The following GORAB variants were observed in gnomAD, a reference collection of about 807,000 sequenced individuals.
The protein encoded by GORAB is RAB6-interacting golgin.
A neutral mutation model predicts 29.9 loss-of-function variants in GORAB; 17 were observed. The ratio of observed to expected loss-of-function variants is 0.57; its 90% CI spans 0.39 to 0.85. GORAB has a LOEUF of 0.85. Ranked by LOEUF, GORAB falls within the 40% of genes least tolerant of loss-of-function variation. GORAB has a pLI of 0.00. For synonymous variants in GORAB, 183 were observed against 157.2 expected, an observed-to-expected ratio of 1.16 and a Z score of -1.23; for missense variants, 442 against 437.8, an observed-to-expected ratio of 1.01 and a Z score of -0.09.
rs147691146 is a variant in GORAB, at chr1:170,542,505, G to A, written c.434G>A (p.Arg145His). The A allele has an allele frequency of 3.3e-5, 53 of 1,613,128 alleles. No individual in the cohort carries two copies. Among genetic ancestry groups the A allele is most frequent in the Admixed American group, 6.7e-5 (4 of 59,976 alleles). The change falls in exon 3 of 5, where the codon CGT becomes CAT. Residue 145 changes from arginine (R) to histidine (H), a missense_variant. Physicochemically the swap from Arg to His is conservative, Grantham distance 29. Coordinates refer to ENST00000367763, the MANE Select transcript of GORAB (RefSeq NM_152281.3). Reference protein sequence around the residue: ...KKKVELQEKSRWEVLQQEQRL... With the variant: ...KKKVELQEKSHWEVLQQEQRL... ...TTGCCCCCTAGGCAAGAAAAATCTC[G>A]TTGGGAAGTCCTCCAACAAGAACAA...
chr1:170,550,485 A>G (rs1316406272), intron 4 of GORAB, among the ~76,000 whole-genome samples: 2 of 152,250 alleles, frequency 1.3e-5, no homozygotes, highest in African/African-American at 4.8e-5. Context: ...TGCCTCGTGT[A>G]TCCTACAATA....
Position 170,552,528 on chromosome 1 carries a change from C to T in GORAB, c.*66C>T. On this transcript the variant is annotated 3_prime_UTR_variant, in exon 5 of 5. Transcript: ENST00000367763. ...GTATACTTTTTGCAGTAGATCATGC[C>T]CTGACCTCCAATAAAAACCTCTTTA... 1.6e-6 allele frequency: 2 copies of T among 1,258,056 alleles called. No individual in the cohort carries two copies. Among genetic ancestry groups the T allele is most frequent in the Non-Finnish European group, 2.3e-6 (2 of 861,516 alleles). 77.9% of individuals were successfully genotyped at this position (1,258,056 alleles called of 1,614,324 possible).
At chr1:170,542,344 CT>C (rs1424668321) in intron 2 of GORAB, 146 bp from the exon 3 acceptor site, 8 of 586,094 alleles carry the variant, frequency 1.4e-5, no homozygotes, top group African/African-American at 3.8e-5. Context: ...AGATGGGTTT[CT>C]TTTAAGAGGA....
chr1:170,549,059 G>T (rs931960607), intron 4 of GORAB, among the ~76,000 whole-genome samples: 1 of 152,130 alleles, frequency 6.6e-6, no homozygotes, highest in African/African-American at 2.4e-5. Context: ...TATACTGAGG[G>T]TTAATGGTTG....
At position 170,552,519 on chromosome 1, in the gene GORAB, A is replaced by G; in HGVS notation, c.*57A>G. On this transcript the variant is annotated 3_prime_UTR_variant, in exon 5 of 5. Coordinates refer to ENST00000367763, the MANE Select transcript of GORAB (RefSeq NM_152281.3). Reference sequence around the variant, plus strand: ...TTGAGTAAAGTATACTTTTTGCAGTAGATCATGCCCTGACCTCCAATAAAA... The same window carrying G: ...TTGAGTAAAGTATACTTTTTGCAGTGGATCATGCCCTGACCTCCAATAAAA... 2 of 1,374,832 alleles carry G rather than the reference A, an allele frequency of 1.5e-6. No individual in the cohort carries two copies. The highest frequency in any genetic ancestry group is 2.1e-6 in the Non-Finnish European group (2 of 967,038). The allele number at this position is 1,374,832 out of a possible 1,614,324, so 85.2% of individuals were successfully genotyped here.
At chr1:170,532,807 A>G (rs1648785591) in intron 1 of GORAB, among the ~76,000 whole-genome samples, 1 of 152,228 alleles carries the variant, frequency 6.6e-6, no homozygotes, top group Non-Finnish European at 1.5e-5. Flanking sequence ...TGATTTTTGC[A>G]GTACTTCCCA....
chr1:170,553,723 A>C lies in GORAB; in HGVS notation c.*1261A>C. The stretch of plus-strand genomic sequence containing the variant: ...ATAACATTTTACTACTGACTTCTCT[A>C]AACAGAAGCATTTCTATAGATAGTT... On this transcript the variant is annotated 3_prime_UTR_variant, in exon 5 of 5. Coordinates refer to ENST00000367763, the MANE Select transcript of GORAB (RefSeq NM_152281.3). 2.2e-6 allele frequency: 1 copy of C among 450,932 alleles called. No homozygotes were observed. The highest frequency in any genetic ancestry group is 1.6e-5 in the South Asian group (1 of 63,104). 27.9% of individuals were successfully genotyped at this position (450,932 alleles called of 1,614,324 possible).
In GORAB at chr1:170,539,384, C is replaced by G. The variant is rs1329456647; in HGVS notation, c.236C>G (p.Pro79Arg). The change falls in exon 2 of 5, where the codon CCT (proline) becomes CGT (arginine). Residue 79 changes from proline (P) to arginine (R), a missense_variant. Physicochemically the swap from Pro to Arg is moderately radical, Grantham distance 103. Coordinates refer to ENST00000367763, the MANE Select transcript of GORAB (RefSeq NM_152281.3). The part of the protein sequence containing the change: ...PKQRVNVQKP[P>R]FSSPTLPSHF... Reference sequence around the variant, plus strand: ...CAGAGAGTTAACGTTCAAAAACCACCTTTTTCTTCCCCTACTCTTCCGAGT... The same window carrying G: ...CAGAGAGTTAACGTTCAAAAACCACGTTTTTCTTCCCCTACTCTTCCGAGT... 3.2e-5 allele frequency: 51 copies of G among 1,613,974 alleles called. No homozygotes were observed. The highest frequency in any genetic ancestry group is 4.3e-5 in the Non-Finnish European group (51 of 1,180,014).
Position 170,552,186 on chromosome 1 carries a change from C to T in GORAB, c.834C>T (p.Ala278=), listed in dbSNP as rs550672557. The change falls in exon 5 of 5, where the codon GCC becomes GCT. Residue 278 remains alanine (A), a synonymous_variant. Coordinates refer to ENST00000367763, the MANE Select transcript of GORAB (RefSeq NM_152281.3). ...TGATGCAACAACTAGATGTAGAAGC[C>T]GATGAAGAGACTTTGGAGCTTGAGG... ...EELMQQLDVE[A]DEETLELEVE... 38 of 1,613,966 alleles carry T rather than the reference C, an allele frequency of 2.4e-5. No homozygotes were observed. The highest frequency in any genetic ancestry group is 2.2e-4 in the South Asian group (20 of 91,072).
intron 4 of GORAB, among the ~76,000 whole-genome samples, chr1:170,548,990 G>A (rs946251822): frequency 7.9e-5 from 12 of 152,070 alleles, no homozygotes; most frequent in African/African-American, 2.7e-4. Flanking sequence ...TATACAAATA[G>A]TGAGAACTGC....
chr1:170,552,325 G>C lies in GORAB; in HGVS notation c.973G>C (p.Glu325Gln), dbSNP rs1650172456. Residue 325 changes from glutamate to glutamine, a missense_variant, in exon 5 of 5, where the codon GAG becomes CAG. Physicochemically the swap from Glu to Gln is conservative, Grantham distance 29 (BLOSUM62 2). Transcript: ENST00000367763. ...GAGTGTGACATTAGAATTTGCTAAAGAGAACAGAAAGTGTCAAGAACAAGC... is the reference window on the plus strand; with the variant it reads ...GAGTGTGACATTAGAATTTGCTAAACAGAACAGAAAGTGTCAAGAACAAGC... Reference protein sequence around the residue: ...EESVTLEFAKENRKCQEQAVS... With the variant: ...EESVTLEFAKQNRKCQEQAVS... 6.2e-6 allele frequency: 10 copies of C among 1,614,040 alleles called. No individual in the cohort carries two copies. Among genetic ancestry groups the C allele is most frequent in the Admixed American group, 1.7e-5 (1 of 60,006 alleles).
intron 1 of GORAB, chr1:170,532,636 C>A (rs1477734242): frequency 3.2e-6 from 1 of 317,092 alleles, no homozygotes; most frequent in East Asian, 7.5e-5. Context: ...AGGTTAGGGT[C>A]AGGGTAAGGG....
intron 1 of GORAB, chr1:170,533,737 G>A (rs1648863740): frequency 5.8e-6 from 2 of 342,616 alleles, no homozygotes; most frequent in Admixed American, 5.9e-5. Flanking sequence ...GCAACCGGGG[G>A]TAGATAGAGG....
chr1:170,553,182 T>C lies in GORAB; in HGVS notation c.*720T>C. ...CGATGAATTGATTAAATTTAGACAA[T>C]TAAAACATTTCTAAAGTGAGACTGA... On this transcript the variant is annotated 3_prime_UTR_variant, in exon 5 of 5. Coordinates refer to ENST00000367763, the MANE Select transcript of GORAB (RefSeq NM_152281.3). The C allele has an allele frequency of 2.3e-6, 1 of 431,974 alleles. No individual in the cohort carries two copies. The highest frequency in any genetic ancestry group is 1.7e-5 in the South Asian group (1 of 58,856). 26.8% of individuals were successfully genotyped at this position (431,974 alleles called of 1,614,324 possible). A position where few individuals can be genotyped will look rare whatever the true frequency, so the allele number is the denominator to read the frequency against.
Position 170,552,698 on chromosome 1 carries a change from C to G in GORAB, c.*236C>G, listed in dbSNP as rs778718058. 10 of 563,366 alleles carry G rather than the reference C, an allele frequency of 1.8e-5. No homozygotes were observed. The highest frequency in any genetic ancestry group is 1.3e-4 in the African/African-American group (7 of 53,846). 34.9% of individuals were successfully genotyped at this position (563,366 alleles called of 1,614,324 possible). A position where few individuals can be genotyped will look rare whatever the true frequency, so the allele number is the denominator to read the frequency against. ...CGGTTCTTTCAGTGTTCCGTTTACC[C>G]TTTTTACTGAAAGTAAGTGACTTAA... On this transcript the variant is annotated 3_prime_UTR_variant, in exon 5 of 5. Coordinates refer to ENST00000367763, the MANE Select transcript of GORAB (RefSeq NM_152281.3).
chr1:170,553,395 T>G lies in GORAB; in HGVS notation c.*933T>G. ...TTGCCTGTTACTAGTACTTGACCAA[T>G]ACATTGTGCTATATGTAAATGTGTA... On this transcript the variant is annotated 3_prime_UTR_variant, in exon 5 of 5. Transcript: ENST00000367763. The G allele has an allele frequency of 2.2e-6, 1 of 451,766 alleles. No individual in the cohort carries two copies. Among genetic ancestry groups the G allele is most frequent in the Non-Finnish European group, 4.4e-6 (1 of 226,194 alleles). 28.0% of individuals were successfully genotyped at this position (451,766 alleles called of 1,614,324 possible).
chr1:170,548,757 A>T (rs887723070), intron 4 of GORAB, among the ~76,000 whole-genome samples: 1 of 152,218 alleles, frequency 6.6e-6, no homozygotes, highest in African/African-American at 2.4e-5. Context: ...ATAAGTAATG[A>T]TGAAATAATT....
At chr1:170,533,909 C>T (rs777764583) in intron 1 of GORAB, among the ~76,000 whole-genome samples, 6 of 152,108 alleles carry the variant, frequency 3.9e-5, no homozygotes, top group African/African-American at 7.2e-5. Context: ...AATCTTTTCT[C>T]CTTGGATTCC....
At chr1:170,535,032 A>G (rs1189608848) in intron 1 of GORAB, among the ~76,000 whole-genome samples, 2 of 152,142 alleles carry the variant, frequency 1.3e-5, no homozygotes, top group African/African-American at 4.8e-5. Context: ...TTGGCAGGTG[A>G]CTGTGTTGCA....
Sources: allele counts gnomAD v4.1 joint callset (sites outside exome capture counted in the v4.1 genomes callset), GRCh38; gene constraint gnomAD v4.1.1; transcripts MANE v1.5; gene names NCBI Gene and HGNC (gene_info 2026-07-23, HGNC 2026-07-21).